Variants in THADA observed in about 807,000 individuals in gnomAD.
THADA encodes the protein tRNA (32-2'-O)-methyltransferase regulator THADA.
Under a neutral mutation model 219.8 loss-of-function variants are expected in THADA, and 213 were observed. That is an observed-to-expected ratio of 0.97 (90% CI 0.87 to 1.09). The LOEUF (loss-of-function observed/expected upper bound fraction) is 1.09. Ranked by LOEUF, THADA falls within the 50% of genes least tolerant of loss-of-function variation. The probability of loss-of-function intolerance (pLI) is 0.00; values close to 1 mark genes in which losing one functional copy is unlikely to be tolerated. For synonymous variants in THADA, 1,018 were observed against 828.9 expected (o/e 1.23, Z -3.92); for missense variants, 2,956 against 2,311.3 (o/e 1.28, Z -5.72).
At chr2:43,389,678 C>T (rs1320313892) in intron 29 of THADA, among the ~76,000 whole-genome samples, 1 of 152,180 alleles carries the variant, frequency 6.6e-6, no homozygotes, top group Non-Finnish European at 1.5e-5. Context: ...GGTTTACTCA[C>T]TGCCTCCTGC....
At chr2:43,306,707 G>T (rs1333329006) in intron 31 of THADA, among the ~76,000 whole-genome samples, 1 of 152,182 alleles carries the variant, frequency 6.6e-6, no homozygotes, top group Non-Finnish European at 1.5e-5. Context: ...ACAAAATCTG[G>T]TTGTACTAGG....
chr2:43,493,159 TA>T (rs1687854831), intron 25 of THADA, among the ~76,000 whole-genome samples: 1 of 152,080 alleles, frequency 6.6e-6, no homozygotes, highest in Non-Finnish European at 1.5e-5. Context: ...CACTGCATGC[TA>T]TGAACCAGAT....
intron 34 of THADA, among the ~76,000 whole-genome samples, chr2:43,287,656 G>C (rs1345893537): frequency 6.6e-6 from 1 of 152,080 alleles, no homozygotes; most frequent in Non-Finnish European, 1.5e-5. Flanking sequence ...CATTTGGTCT[G>C]GTAAAGACCA....
chr2:43,522,661 TGA>T, intron 22 of THADA, among the ~76,000 whole-genome samples: 1 of 152,340 alleles, frequency 6.6e-6, no homozygotes, highest in South Asian at 2.1e-4. Flanking sequence ...ACTTTTTAAA[TGA>T]GTGTTCAAAT....
chr2:43,327,623 C>T (rs1425945341), intron 30 of THADA, among the ~76,000 whole-genome samples: 1 of 152,140 alleles, frequency 6.6e-6, no homozygotes, highest in Non-Finnish European at 1.5e-5. Context: ...TCACTTCAAG[C>T]TGGGTTTAGG....
At chr2:43,231,892 A>G (rs1007133539) in intron 37 of THADA, among the ~76,000 whole-genome samples, 11 of 152,328 alleles carry the variant, frequency 7.2e-5, no homozygotes, top group Admixed American at 6.5e-4. Context: ...GGGGATGCCA[A>G]GAAGGCCAGC....
intron 7 of THADA, among the ~76,000 whole-genome samples, chr2:43,584,836 G>A (rs968982996): frequency 9.2e-5 from 14 of 152,166 alleles, no homozygotes; most frequent in African/African-American, 1.7e-4. Flanking sequence ...GAATACCTCC[G>A]AGCCAGCAGA....
chr2:43,254,355 G>A (rs557567034), intron 36 of THADA, among the ~76,000 whole-genome samples: 1 of 152,016 alleles, frequency 6.6e-6, no homozygotes, highest in African/African-American at 2.4e-5. Context: ...GACACTGTTT[G>A]AGTCCTTGAA....
chr2:43,310,219 C>CTTT lies in THADA; in HGVS notation c.4438+10224_4438+10226dup, dbSNP rs1367696178. On this transcript the variant is annotated intron_variant, in intron 31 of 37. Transcript: ENST00000405975. Reference sequence around the variant, plus strand: ...CTTTCCTCCCTCCCTCCCTCCCTCCCTTTCCCGCCCCCCCCCCAAACAAGC... The same window carrying CTTT: ...CTTTCCTCCCTCCCTCCCTCCCTCCCTTTTTTCCCGCCCCCCCCCCAAACAAGC... 2.1e-3 allele frequency among the ~76,000 whole-genome samples: 183 copies of CTTT among 87,114 alleles called. 5 individuals carry two copies. The highest frequency in any genetic ancestry group is 9.2e-3 in the African/African-American group (175 of 19,024). 57.2% of individuals were successfully genotyped at this position (87,114 alleles called of 152,430 possible). A position where few individuals can be genotyped will look rare whatever the true frequency, so the allele number is the denominator to read the frequency against.
chr2:43,365,566 GACACACACACACACACAC>G (rs375762944), intron 29 of THADA, among the ~76,000 whole-genome samples: 1 of 143,516 alleles, frequency 7.0e-6, no homozygotes, highest in South Asian at 2.3e-4. Context: ...GCAAGACTCT[GACACACACACACACACAC>G]ACACACACAC....
rs1235117763 is a variant in THADA, at chr2:43,578,533, A to G, written c.796T>C (p.Ser266Pro). Residue 266 changes from serine to proline, a missense_variant, in exon 9 of 38, where the codon TCT becomes CCT. Ser to Pro is a moderately conservative substitution (Grantham distance 74). Coordinates refer to ENST00000405975, the MANE Select transcript of THADA (RefSeq NM_022065.5). ...CTTACCAAATGAGGAATCTTTTCAGACGGGTGAAACATAGTCTTAATAAAA... is the reference window on the plus strand; with the variant it reads ...CTTACCAAATGAGGAATCTTTTCAGGCGGGTGAAACATAGTCTTAATAAAA... Reference protein sequence around the residue: ...ILFIKTMFHPSEKIPHLISSV... With the variant: ...ILFIKTMFHPPEKIPHLISSV... 1 of 1,611,838 alleles carries G rather than the reference A, an allele frequency of 6.2e-7. No homozygotes were observed. The highest frequency in any genetic ancestry group is 1.1e-5 in the South Asian group (1 of 91,014).
intron 14 of THADA, among the ~76,000 whole-genome samples, chr2:43,570,079 A>C (rs73925545): frequency 0.037 from 5,560 of 152,302 alleles, 321 homozygotes; most frequent in African/African-American, 0.13. Context: ...GGAGAGGGAC[A>C]GAGTTCAGTA....
chr2:43,541,705 T>C (rs951028252), intron 20 of THADA, among the ~76,000 whole-genome samples: 2 of 152,078 alleles, frequency 1.3e-5, no homozygotes, highest in African/African-American at 4.8e-5. Flanking sequence ...AGACAGGGTT[T>C]CACCACATCA....
chr2:43,396,403 C>G (rs557179296), intron 29 of THADA, among the ~76,000 whole-genome samples: 2 of 152,306 alleles, frequency 1.3e-5, no homozygotes, highest in South Asian at 4.1e-4. Flanking sequence ...TGCCTATTTT[C>G]TGGTCCTTTT....
intron 36 of THADA, among the ~76,000 whole-genome samples, chr2:43,250,684 T>G (rs1229059676): frequency 6.6e-6 from 1 of 151,870 alleles, no homozygotes; most frequent in Non-Finnish European, 1.5e-5. Flanking sequence ...GGCAACATAG[T>G]GAGATCGTTT....
chr2:43,485,425 G>T, intron 25 of THADA, 100 bp from the exon 26 acceptor site: 2 of 816,566 alleles, frequency 2.4e-6, no homozygotes, highest in Admixed American at 2.3e-5. Context: ...TTACCTAACT[G>T]GCTAGTGTGA....
At chr2:43,399,336 T>C (rs563193418) in intron 28 of THADA, among the ~76,000 whole-genome samples, 2 of 152,320 alleles carry the variant, frequency 1.3e-5, no homozygotes, top group Admixed American at 6.5e-5. Context: ...AAGGAATTAC[T>C]TGGTAAGAAT....
chr2:43,513,447 T>C (rs986608662), intron 22 of THADA, among the ~76,000 whole-genome samples: 2 of 152,184 alleles, frequency 1.3e-5, no homozygotes, highest in Admixed American at 6.5e-5. Flanking sequence ...TTAGAAGCAG[T>C]AGTGGCAGCC....
At chr2:43,381,626 G>GC (rs879893421) in intron 29 of THADA, among the ~76,000 whole-genome samples, 22 of 151,520 alleles carry the variant, frequency 1.5e-4, no homozygotes, top group Non-Finnish European at 2.2e-4. Flanking sequence ...TGTCCCCCAG[G>GC]CTGGATTGCA....
Sources: allele counts gnomAD v4.1 joint callset (sites outside exome capture counted in the v4.1 genomes callset), GRCh38; gene constraint gnomAD v4.1.1; transcripts MANE v1.5; gene names NCBI Gene and HGNC (gene_info 2026-07-23, HGNC 2026-07-21).